Variants in KIF2C observed in about 807,000 individuals in gnomAD.
KIF2C encodes kinesin-like protein KIF2C.
Under a neutral mutation model 97.4 loss-of-function variants are expected in KIF2C, and 34 were observed. The ratio of observed to expected loss-of-function variants is 0.35; its 90% CI spans 0.27 to 0.46. KIF2C has a LOEUF of 0.46. KIF2C is among the 20% of genes least tolerant of loss of function. The pLI is 1.00. For missense variants in KIF2C, 750 were observed against 907.6 expected (o/e 0.83, Z 2.23); for synonymous variants, 313 against 318.2 (o/e 0.98, Z 0.17).
At chr1:44,758,853 G>T (rs866737863) in intron 13 of KIF2C, among the ~76,000 whole-genome samples, 1 of 152,024 alleles carries the variant, frequency 6.6e-6, no homozygotes, top group African/African-American at 2.4e-5. Context: ...TCCAGCCTGG[G>T]CGATACGAGC....
Position 44,766,755 on chromosome 1 carries a change from G to A in KIF2C, c.1972-71G>A, listed in dbSNP as rs1401237650. 11 of 1,551,268 alleles carry A rather than the reference G, an allele frequency of 7.1e-6. No individual in the cohort carries two copies. The East Asian group carries it at 2.5e-4, about 35-fold the overall frequency. ...AGCATCTTACTCAGGTGTCTGCATT[G>A]CAGTTGGTAGGACCCCAGGAATGAT... On this transcript the variant is annotated intron_variant, in intron 19 of 20. Coordinates refer to ENST00000372224, the MANE Select transcript of KIF2C (RefSeq NM_006845.4).
rs890589430 is a variant in KIF2C at position 44,750,574 on chromosome 1, G to C, written c.439+10G>C. On this transcript the variant is annotated intron_variant, in intron 5 of 20. Coordinates refer to ENST00000372224, the MANE Select transcript of KIF2C (RefSeq NM_006845.4). The stretch of plus-strand genomic sequence containing the variant: ...CAGTTTTCAGTTCCTCGTGAGTAAC[G>C]AATGTGCCCCCAACCACCATGTTTG... 6.6e-7 allele frequency: 1 copy of C among 1,522,728 alleles called. No individual in the cohort carries two copies. Among genetic ancestry groups the C allele is most frequent in the Admixed American group, 2.0e-5 (1 of 50,734 alleles). The allele number at this position is 1,522,728 out of a possible 1,614,324, so 94.3% of individuals were successfully genotyped here. A position where few individuals can be genotyped will look rare whatever the true frequency, so the allele number is the denominator to read the frequency against.
chr1:44,754,704 C>CTTATATCTTA (rs1649720013), intron 7 of KIF2C, 46 bp from the exon 8 acceptor site: 2 of 1,144,362 alleles, frequency 1.7e-6, no homozygotes, highest in Admixed American at 1.7e-5. Flanking sequence ...TCTGAGAGCA[C>CTTATATCTTA]TTATATCTTA....
intron 5 of KIF2C, 115 bp downstream of exon 5, chr1:44,750,679 G>A: frequency 8.3e-7 from 1 of 1,202,314 alleles, no homozygotes; most frequent in East Asian, 2.8e-5. Context: ...GAACTGGTCT[G>A]CTCCTGCCCT....
In KIF2C at chr1:44,762,638, G is replaced by C. The variant is rs1345238845; in HGVS notation, c.1951G>C (p.Glu651Gln). ...GGAGCTGGAGGAGAAGGCTATGGAA[G>C]AGCTCAAGGAGATCATACAGGTAGG... The part of the protein sequence containing the change: ...IRELEEKAME[E>Q]LKEIIQQGPD... Residue 651 changes from glutamate (E) to glutamine (Q), a missense_variant, in exon 19 of 21, where the codon GAG (glutamate) becomes CAG (glutamine). By Grantham distance (29) the Glu-to-Gln change is conservative. Transcript: ENST00000372224. 1.2e-6 allele frequency: 2 copies of C among 1,613,788 alleles called. No homozygotes were observed. Among genetic ancestry groups the C allele is most frequent in the Non-Finnish European group, 1.7e-6 (2 of 1,179,700 alleles).
rs1250734414 is a variant in KIF2C, at chr1:44,743,583, G to T, written c.165+2576G>T. On this transcript the variant is annotated intron_variant, in intron 2 of 20. Coordinates refer to ENST00000372224, the MANE Select transcript of KIF2C (RefSeq NM_006845.4). ...GCAGGAGGACCTCTTGAGGCCAGGA[G>T]TTTGAGTCCATCCTGGGCAAATACA... is the stretch of plus-strand genomic sequence containing the variant. 2.0e-5 allele frequency among the ~76,000 whole-genome samples: 3 copies of T among 152,152 alleles called. No homozygotes were observed. The East Asian group carries it at 5.8e-4, about 29-fold the overall frequency.
At chr1:44,747,895 C>T (rs1649299840) in intron 4 of KIF2C, among the ~76,000 whole-genome samples, 195 bp downstream of exon 4, 1 of 152,226 alleles carries the variant, frequency 6.6e-6, no homozygotes, top group South Asian at 2.1e-4. Flanking sequence ...AGACCTGGTG[C>T]ATTTAGGAAA....
At position 44,767,381 on chromosome 1, in the gene KIF2C, TGTCGC is replaced by T. The variant is rs1192426521; in HGVS notation, c.*203_*207del. The T allele has an allele frequency of 3.8e-6, 2 of 522,552 alleles. No individual in the cohort carries two copies. The highest frequency in any genetic ancestry group is 7.0e-6 in the Non-Finnish European group (2 of 286,848). The allele number at this position is 522,552 out of a possible 1,614,324, so 32.4% of individuals were successfully genotyped here. A position where few individuals can be genotyped will look rare whatever the true frequency, so the allele number is the denominator to read the frequency against. The stretch of plus-strand genomic sequence containing the variant: ...GGACACTCCTTTTCTGTTCCTCAGT[TGTCGC>T]CCTCACGAGAGGAAGGAGCTCTTAG... On this transcript the variant is annotated 3_prime_UTR_variant, in exon 21 of 21. Coordinates refer to ENST00000372224, the MANE Select transcript of KIF2C (RefSeq NM_006845.4).
chr1:44,757,555 G>C lies in KIF2C; in HGVS notation c.978-1G>C, dbSNP rs775688550. On this transcript the variant is annotated splice_acceptor_variant, in intron 10 of 20. Transcript: ENST00000372224. LOFTEE classifies it high-confidence loss of function. ...ATACAAATACTCTACCCCTCTTCTAGGTTCACAGCAAGGCCACTGGTACAG... is the reference window on the plus strand; with the variant it reads ...ATACAAATACTCTACCCCTCTTCTACGTTCACAGCAAGGCCACTGGTACAG... The C allele has an allele frequency of 6.2e-7, 1 of 1,604,946 alleles. No individual in the cohort carries two copies. The highest frequency in any genetic ancestry group is 8.5e-7 in the Non-Finnish European group (1 of 1,171,652).
rs139235533 is a variant in KIF2C at position 44,759,477 on chromosome 1, C to T, written c.1367+129C>T. ...AGTTTGGTAAGGGCTGCGAAGGCCTCTGCTTTACGGGGTCTCAATAAGACA... is the reference window on the plus strand; with the variant it reads ...AGTTTGGTAAGGGCTGCGAAGGCCTTTGCTTTACGGGGTCTCAATAAGACA... On this transcript the variant is annotated intron_variant, in intron 14 of 20. Transcript: ENST00000372224. 6.1e-3 allele frequency: 6,854 copies of T among 1,123,600 alleles called. 33 individuals carry two copies. The highest frequency in any genetic ancestry group is 7.2e-3 in the Non-Finnish European group (5,556 of 776,220). 69.6% of individuals were successfully genotyped at this position (1,123,600 alleles called of 1,614,324 possible).
chr1:44,762,416 G>C lies in KIF2C; in HGVS notation c.1822G>C (p.Glu608Gln). Residue 608 changes from glutamate (E) to glutamine (Q), a missense_variant, in exon 18 of 21, where the codon GAA becomes CAA. By Grantham distance (29) the Glu-to-Gln change is conservative. Transcript: ENST00000372224. ...QLIQMETEEM[E>Q]ACSNGALIPG... is the part of the protein sequence containing the mutation. ...GATTCAAATGGAAACAGAAGAGATGGAAGCCTGCTCTAACGGGGCGCTGAT... is the reference window on the plus strand; with the variant it reads ...GATTCAAATGGAAACAGAAGAGATGCAAGCCTGCTCTAACGGGGCGCTGAT... 6.2e-7 allele frequency: 1 copy of C among 1,614,176 alleles called. No homozygotes were observed. The highest frequency in any genetic ancestry group is 8.5e-7 in the Non-Finnish European group (1 of 1,180,032).
At chr1:44,766,392 A>C (rs1032633093) in intron 19 of KIF2C, among the ~76,000 whole-genome samples, 1 of 152,116 alleles carries the variant, frequency 6.6e-6, no homozygotes, top group African/African-American at 2.4e-5. Flanking sequence ...CCTGCGGATC[A>C]CCTGAGGTCG....
intron 19 of KIF2C, among the ~76,000 whole-genome samples, chr1:44,764,377 A>G (rs1014523746): frequency 6.6e-6 from 1 of 151,886 alleles, no homozygotes; most frequent in African/African-American, 2.4e-5. Flanking sequence ...GGGTTTTACC[A>G]TGTTGGCCAG....
rs539262699 is a variant in KIF2C, at chr1:44,762,146, A to T, written c.1751+163A>T. 3 of 841,494 alleles carry T rather than the reference A, an allele frequency of 3.6e-6. No homozygotes were observed. The Admixed American group carries it at 5.7e-5, about 16-fold the overall frequency. 52.1% of individuals were successfully genotyped at this position (841,494 alleles called of 1,614,324 possible). On this transcript the variant is annotated intron_variant, in intron 17 of 20. Coordinates refer to ENST00000372224, the MANE Select transcript of KIF2C (RefSeq NM_006845.4). ...CCGCCGTGATGCTAGGTCTGTCCCA[A>T]TCCTCTCCGGGCCCTGCTGGAGAGT...
chr1:44,767,163 A>G lies in KIF2C; in HGVS notation c.2162A>G (p.Lys721Arg), dbSNP rs756646557. 4 of 1,614,154 alleles carry G rather than the reference A, an allele frequency of 2.5e-6. No individual in the cohort carries two copies. The South Asian group carries it at 3.3e-5, about 13-fold the overall frequency. Residue 721 changes from lysine (K) to arginine (R), a missense_variant, in exon 21 of 21, where the codon AAG becomes AGG. Coordinates refer to ENST00000372224, the MANE Select transcript of KIF2C (RefSeq NM_006845.4). ...CAGGCTAGCAGACAAATAAGCAGCA[A>G]GAAACGGCCCCAGTGACGACTGCAA... Reference protein sequence around the residue: ...EEQASRQISSKKRPQ With the variant: ...EEQASRQISSRKRPQ
At chr1:44,756,626 C>A (rs927534565) in intron 10 of KIF2C, among the ~76,000 whole-genome samples, 4 of 145,636 alleles carry the variant, frequency 2.7e-5, no homozygotes, top group Non-Finnish European at 6.0e-5. Flanking sequence ...AATCTCGGCT[C>A]ACTGCAACCT....
chr1:44,761,291 G>A (rs56413110), intron 16 of KIF2C, among the ~76,000 whole-genome samples: 3,026 of 152,224 alleles, frequency 0.02, 50 homozygotes, highest in Admixed American at 0.044. Context: ...GAAGTTTCCA[G>A]CAGAAGCCAC....
chr1:44,758,169 C>A, intron 13 of KIF2C, 29 bp downstream of exon 13: 2 of 1,589,832 alleles, frequency 1.3e-6, no homozygotes, highest in South Asian at 2.2e-5. Context: ...CTTGTTTACA[C>A]TGTTGGGGCC....
chr1:44,741,118 C>T, intron 2 of KIF2C, 111 bp downstream of exon 2: 1 of 789,406 alleles, frequency 1.3e-6, no homozygotes, highest in South Asian at 1.7e-5. Context: ...TCTTCTCACT[C>T]ACGCCTGTAA....
Sources: gnomAD v4.1 joint callset for allele counts (sites outside exome capture counted in the v4.1 genomes callset) on GRCh38, gnomAD v4.1.1 for gene constraint, MANE v1.5 for transcripts, NCBI Gene and HGNC (gene_info 2026-07-23, HGNC 2026-07-21) for gene names.